TMEM154: variants seen among roughly 807,000 people sequenced by gnomAD.
The protein encoded by TMEM154 is transmembrane protein 154.
In TMEM154, 27 loss-of-function variants were observed where a neutral mutation model predicts 24.5. The observed-to-expected ratio is 1.10, with a 90% CI of 0.81 to 1.52. The LOEUF is 1.52. TMEM154 is among the 40% of genes most tolerant of loss of function. TMEM154 has a pLI of 0.00. For missense variants in TMEM154, 228 were observed against 213.4 expected, an observed-to-expected ratio of 1.07 and a Z score of -0.43; for synonymous variants, 67 against 76.8, an observed-to-expected ratio of 0.87 and a Z score of 0.67.
At chr4:152,633,390 C>A (rs1752087714) in intron 6 of TMEM154, among the ~76,000 whole-genome samples, 2 of 152,334 alleles carry the variant, frequency 1.3e-5, no homozygotes, top group South Asian at 4.1e-4. Context: ...TGCCTGGAGG[C>A]ATTCTCTCCC....
intron 1 of TMEM154, among the ~76,000 whole-genome samples, chr4:152,675,492 T>C (rs1012050276): frequency 6.6e-6 from 1 of 152,150 alleles, no homozygotes; most frequent in African/African-American, 2.4e-5. Flanking sequence ...CCGGGTGTGC[T>C]GGCACATGCC....
intron 1 of TMEM154, among the ~76,000 whole-genome samples, chr4:152,674,975 G>A (rs1398501242): frequency 6.6e-6 from 1 of 151,958 alleles, no homozygotes; most frequent in Non-Finnish European, 1.5e-5. Flanking sequence ...GGCCAACATA[G>A]TGAAACCCTG....
intron 3 of TMEM154, among the ~76,000 whole-genome samples, chr4:152,645,974 CACACAG>C (rs1447079177): frequency 2.7e-5 from 4 of 148,970 alleles, no homozygotes; most frequent in African/African-American, 1.0e-4. Flanking sequence ...CACACACACA[CACACAG>C]ACACCACAAA....
intron 3 of TMEM154, among the ~76,000 whole-genome samples, chr4:152,650,801 A>G (rs1728363352): frequency 6.6e-6 from 1 of 152,348 alleles, no homozygotes; most frequent in Non-Finnish European, 1.5e-5. Flanking sequence ...TGGATATTGT[A>G]TCAGCAGGCA....
rs1433719508 is a variant in TMEM154, at chr4:152,619,534, A to G, written c.*9012T>C. ...CTAGGTAGACTTTGTAACTGTCTCA[A>G]ACAATAAAGTATGGCAGAAGTGATG... On this transcript the variant is annotated 3_prime_UTR_variant, in exon 7 of 7. Coordinates refer to ENST00000304385, the MANE Select transcript of TMEM154 (RefSeq NM_152680.3). 6.6e-6 allele frequency: 1 copy of G among 152,194 alleles called. No individual in the cohort carries two copies. Among genetic ancestry groups the G allele is most frequent in the Non-Finnish European group, 1.5e-5 (1 of 68,042 alleles). 9.4% of individuals were successfully genotyped at this position (152,194 alleles called of 1,614,324 possible).
chr4:152,644,339 C>A, intron 4 of TMEM154, 76 bp downstream of exon 4: 1 of 1,532,422 alleles, frequency 6.5e-7, no homozygotes, highest in Admixed American at 1.7e-5. Flanking sequence ...AACAAAAACA[C>A]CTGAAAAGGC....
intron 4 of TMEM154, among the ~76,000 whole-genome samples, chr4:152,644,108 C>T (rs549295076): frequency 6.6e-6 from 1 of 152,300 alleles, no homozygotes; most frequent in African/African-American, 2.4e-5. Flanking sequence ...CCTTGAAATA[C>T]AGCTAGGGAT....
Position 152,640,973 on chromosome 4 carries a change from C to T in TMEM154, c.491G>A (p.Cys164Tyr). 2 of 1,565,042 alleles carry T rather than the reference C, an allele frequency of 1.3e-6. No homozygotes were observed. Among genetic ancestry groups the T allele is most frequent in the Admixed American group, 1.7e-5 (1 of 57,530 alleles). ...NSMNRNADFECLPTLKEEKES... is the reference protein window; with the variant it reads ...NSMNRNADFEYLPTLKEEKES... ...CTTCTCTTCCTTCAAGGTAGGTAAACATTCAAAGTCGGCTAGGACAGAATA... is the reference window on the plus strand; with the variant it reads ...CTTCTCTTCCTTCAAGGTAGGTAAATATTCAAAGTCGGCTAGGACAGAATA... The change falls in exon 6 of 7, where the codon TGT (cysteine) becomes TAT (tyrosine). Residue 164 changes from cysteine (C) to tyrosine (Y), a missense_variant. Cys to Tyr is a radical substitution (Grantham distance 194). Coordinates refer to ENST00000304385, the MANE Select transcript of TMEM154 (RefSeq NM_152680.3).
chr4:152,646,826 A>C, intron 3 of TMEM154: 1 of 633,294 alleles, frequency 1.6e-6, no homozygotes, highest in South Asian at 1.8e-5. Flanking sequence ...TTCCACGCTG[A>C]GCAGTGAGCA....
At chr4:152,677,130 T>G (rs1728964762) in intron 1 of TMEM154, among the ~76,000 whole-genome samples, 1 of 152,196 alleles carries the variant, frequency 6.6e-6, no homozygotes, top group South Asian at 2.1e-4. Context: ...AGCTTTCCTT[T>G]AACTATGCTC....
At chr4:152,642,940 A>G in intron 5 of TMEM154, 148 bp downstream of exon 5, 1 of 627,752 alleles carries the variant, frequency 1.6e-6, no homozygotes, top group African/African-American at 1.9e-5. Context: ...GTATTGTCAG[A>G]CCAGGTTTAT....
chr4:152,630,607 C>T (rs962288592), intron 6 of TMEM154, among the ~76,000 whole-genome samples: 3 of 152,186 alleles, frequency 2.0e-5, no homozygotes, highest in Admixed American at 1.3e-4. Flanking sequence ...GTATAATATA[C>T]AGCTGAACAA....
chr4:152,622,800 T>C lies in TMEM154; in HGVS notation c.*5746A>G, dbSNP rs1017687502. The C allele has an allele frequency of 2.0e-5, 3 of 152,158 alleles. No individual in the cohort carries two copies. The highest frequency in any genetic ancestry group is 2.9e-5 in the Non-Finnish European group (2 of 68,024). The allele number at this position is 152,158 out of a possible 1,614,324, so 9.4% of individuals were successfully genotyped here. A position where few individuals can be genotyped will look rare whatever the true frequency, so the allele number is the denominator to read the frequency against. ...TTAATCAGTCTTAAAATTCTGATAG[T>C]TTTACAAATTAGTTCTAATCCGTAG... On this transcript the variant is annotated 3_prime_UTR_variant, in exon 7 of 7. Coordinates refer to ENST00000304385, the MANE Select transcript of TMEM154 (RefSeq NM_152680.3).
At position 152,628,307 on chromosome 4, in the gene TMEM154, T is replaced by A. The variant is rs1579505763; in HGVS notation, c.*239A>T. On this transcript the variant is annotated 3_prime_UTR_variant, in exon 7 of 7. Coordinates refer to ENST00000304385, the MANE Select transcript of TMEM154 (RefSeq NM_152680.3). ...ACATCACCCGCCTCCTTCTCCACCC[T>A]CAGAGGCAGCGATGGATGGCAGCCA... The A allele has an allele frequency of 1.5e-6, 1 of 659,880 alleles. No individual in the cohort carries two copies. The highest frequency in any genetic ancestry group is 2.9e-5 in the East Asian group (1 of 34,960). 40.9% of individuals were successfully genotyped at this position (659,880 alleles called of 1,614,324 possible).
intron 6 of TMEM154, among the ~76,000 whole-genome samples, chr4:152,639,289 T>C (rs1752208298): frequency 2.0e-5 from 3 of 152,188 alleles, no homozygotes; most frequent in Admixed American, 2.0e-4. Context: ...TGCCATACAA[T>C]TCTGTAATGT....
At chr4:152,658,592 G>A (rs1728536552) in intron 1 of TMEM154, among the ~76,000 whole-genome samples, 1 of 152,102 alleles carries the variant, frequency 6.6e-6, no homozygotes, top group South Asian at 2.1e-4. Flanking sequence ...AGGATCACCT[G>A]AGGTCAGGAG....
intron 1 of TMEM154, among the ~76,000 whole-genome samples, chr4:152,667,183 G>A (rs76280810): frequency 0.016 from 2,371 of 152,228 alleles, 63 homozygotes; most frequent in African/African-American, 0.054. Flanking sequence ...AGGCCTGGTG[G>A]GCCTGTGGTG....
chr4:152,652,445 T>G, intron 3 of TMEM154, 93 bp downstream of exon 3: 1 of 1,567,292 alleles, frequency 6.4e-7, no homozygotes, highest in South Asian at 1.2e-5. Flanking sequence ...TCACTTACTA[T>G]TATATGTAGT....
Position 152,623,489 on chromosome 4 carries a change from A to G in TMEM154, c.*5057T>C, listed in dbSNP as rs1751871996. On this transcript the variant is annotated 3_prime_UTR_variant, in exon 7 of 7. Coordinates refer to ENST00000304385, the MANE Select transcript of TMEM154 (RefSeq NM_152680.3). ...TGTTTCACCGACATCAGAGTAATAC[A>G]TTGCTTACTCTCCACTGATTTGTAC... 1 of 152,196 alleles carries G rather than the reference A, an allele frequency of 6.6e-6. No individual in the cohort carries two copies. The highest frequency in any genetic ancestry group is 2.1e-4 in the South Asian group (1 of 4,830). 9.4% of individuals were successfully genotyped at this position (152,196 alleles called of 1,614,324 possible).
Sources: gnomAD v4.1 joint callset for allele counts (sites outside exome capture counted in the v4.1 genomes callset) on GRCh38, gnomAD v4.1.1 for gene constraint, MANE v1.5 for transcripts, NCBI Gene and HGNC (gene_info 2026-07-23, HGNC 2026-07-21) for gene names.